The following BBS9 variants were observed in gnomAD, a reference collection of about 807,000 sequenced individuals.
BBS9 encodes the protein Bardet-Biedl syndrome 9.
Under a neutral mutation model 117.7 loss-of-function variants are expected in BBS9, and 89 were observed. That is an observed-to-expected ratio of 0.76 (90% confidence interval 0.64 to 0.90). The LOEUF (loss-of-function observed/expected upper bound fraction) is 0.90, where lower values mean the gene tolerates loss of function less well. Ranked by LOEUF, BBS9 falls within the 40% of genes least tolerant of loss-of-function variation. The pLI, the probability that BBS9 is intolerant of heterozygous loss-of-function variation, is 0.00. For synonymous variants in BBS9, 379 were observed against 370.9 expected, an observed-to-expected ratio of 1.02 and a Z score of -0.25; for missense variants, 982 against 1,042.2, an observed-to-expected ratio of 0.94 and a Z score of 0.80.
intron 4 of BBS9, among the ~76,000 whole-genome samples, chr7:33,158,694 C>T (rs892017383): frequency 6.6e-6 from 1 of 152,114 alleles, no homozygotes; most frequent in Non-Finnish European, 1.5e-5. Flanking sequence ...TCCTAATGTT[C>T]CTGCTTGCAT....
chr7:33,293,621 G>A (rs1184751188), intron 9 of BBS9, among the ~76,000 whole-genome samples: 1 of 152,090 alleles, frequency 6.6e-6, no homozygotes, highest in African/African-American at 2.4e-5. Context: ...ATAAGACCAA[G>A]TGCAGTATGC....
intron 19 of BBS9, among the ~76,000 whole-genome samples, chr7:33,433,420 A>T (rs1834827034): frequency 6.6e-6 from 1 of 152,216 alleles, no homozygotes; most frequent in African/African-American, 2.4e-5. Context: ...TAATTTTCCC[A>T]TACCGTGATC....
intron 9 of BBS9, among the ~76,000 whole-genome samples, chr7:33,290,045 A>G (rs1584123438): frequency 2.2e-5 from 1 of 44,582 alleles, no homozygotes; most frequent in Non-Finnish European, 4.9e-5. Context: ...ACTCTATCTC[A>G]AAAAAAAAAA....
At chr7:33,342,118 CA>C (rs1816696516) in intron 11 of BBS9, among the ~76,000 whole-genome samples, 1 of 151,976 alleles carries the variant, frequency 6.6e-6, no homozygotes, top group South Asian at 2.1e-4. Context: ...TCATGAGTGT[CA>C]AAAGATTAAT....
intron 14 of BBS9, 178 bp downstream of exon 14, chr7:33,351,501 G>T: frequency 4.8e-6 from 3 of 630,942 alleles, no homozygotes; most frequent in Non-Finnish European, 8.7e-6. Context: ...TCGTGATAAG[G>T]CTATTTAGCT....
At chr7:33,133,267 T>C (rs1027401995) in intron 1 of BBS9, among the ~76,000 whole-genome samples, 3 of 152,234 alleles carry the variant, frequency 2.0e-5, no homozygotes, top group Non-Finnish European at 2.9e-5. Flanking sequence ...TCAAATACCA[T>C]ACAATTCACC....
rs537333479 is a variant in BBS9, at chr7:33,579,467, T to A, written c.2522-25398T>A. Among the ~76,000 whole-genome samples, 460 of 152,286 alleles carry A rather than the reference T, an allele frequency of 3.0e-3. 3 individuals are homozygous for A. The highest frequency in any genetic ancestry group is 0.011 in the African/African-American group (443 of 41,550). ...GTTAAAATATGTTTATTACACTCTT[T>A]GGAAGGTTTGGCCCGGCGTGTATCA... is the stretch of plus-strand genomic sequence containing the variant. On this transcript the variant is annotated intron_variant, in intron 21 of 22. Transcript: ENST00000242067.
At chr7:33,153,465 A>G (rs1793656698) in intron 3 of BBS9, among the ~76,000 whole-genome samples, 1 of 152,176 alleles carries the variant, frequency 6.6e-6, no homozygotes, top group South Asian at 2.1e-4. Context: ...AACTTTCTTA[A>G]AATTAAGCTT....
intron 5 of BBS9, among the ~76,000 whole-genome samples, chr7:33,183,353 C>G (rs777378821): frequency 7.2e-5 from 11 of 151,952 alleles, no homozygotes; most frequent in Non-Finnish European, 1.0e-4. Flanking sequence ...AACCCCTTTT[C>G]CAGAAAAACA....
intron 19 of BBS9, among the ~76,000 whole-genome samples, chr7:33,476,074 T>C (rs1841760969): frequency 6.6e-6 from 1 of 152,198 alleles, no homozygotes; most frequent in African/African-American, 2.4e-5. Flanking sequence ...TTTAGAATGT[T>C]TTTCATGCAA....
chr7:33,550,727 A>G (rs1451486326), intron 21 of BBS9, among the ~76,000 whole-genome samples: 1 of 152,170 alleles, frequency 6.6e-6, no homozygotes, highest in African/African-American at 2.4e-5. Flanking sequence ...GTCCTGATTT[A>G]TGTGTCATGT....
chr7:33,301,443 G>T (rs1806418344), intron 9 of BBS9, among the ~76,000 whole-genome samples: 1 of 151,828 alleles, frequency 6.6e-6, no homozygotes, highest in South Asian at 2.1e-4. Context: ...CCCAGCCTCT[G>T]GTAACCATCC....
intron 19 of BBS9, among the ~76,000 whole-genome samples, chr7:33,417,924 C>T (rs1037313205): frequency 1.1e-4 from 17 of 152,142 alleles, no homozygotes; most frequent in African/African-American, 4.1e-4. Flanking sequence ...TTCTTTTTTA[C>T]CAAGGGTTAA....
At chr7:33,137,101 G>C (rs1170831741) in intron 1 of BBS9, among the ~76,000 whole-genome samples, 1 of 152,072 alleles carries the variant, frequency 6.6e-6, no homozygotes, top group Non-Finnish European at 1.5e-5. Context: ...GCTCCTCCTG[G>C]GTGTCCTTCC....
rs567756594 is a variant in BBS9, at chr7:33,562,780, C to T, written c.2521+28604C>T. ...CTCTACTAAAAATACAAAAATTAGC[C>T]GGGCATGGTGGCACGCGCCTGTAGT... On this transcript the variant is annotated intron_variant, in intron 21 of 22. Coordinates refer to ENST00000242067, the MANE Select transcript of BBS9 (RefSeq NM_198428.3). Among the ~76,000 whole-genome samples, 126 of 152,068 alleles carry T rather than the reference C, an allele frequency of 8.3e-4. 1 individual carries two copies. In the Middle Eastern group the frequency reaches 0.01, roughly 12 times the overall value.
At chr7:33,402,212 C>T (rs1322469426) in intron 19 of BBS9, among the ~76,000 whole-genome samples, 2 of 152,122 alleles carry the variant, frequency 1.3e-5, no homozygotes, top group African/African-American at 4.8e-5. Flanking sequence ...ATCCCTGTTG[C>T]CTATTAGATT....
intron 4 of BBS9, among the ~76,000 whole-genome samples, chr7:33,169,407 A>C (rs1796177777): frequency 6.6e-6 from 1 of 151,582 alleles, no homozygotes. Context: ...CAATGGTTGA[A>C]CTAGTTTACA....
chr7:33,145,919 G>C (rs1792270152), intron 1 of BBS9, among the ~76,000 whole-genome samples: 1 of 152,190 alleles, frequency 6.6e-6, no homozygotes, highest in African/African-American at 2.4e-5. Flanking sequence ...ATGTTAAATA[G>C]TGCTGATGGA....
intron 21 of BBS9, among the ~76,000 whole-genome samples, chr7:33,547,417 G>T (rs1164009274): frequency 6.6e-6 from 1 of 152,132 alleles, no homozygotes. Flanking sequence ...TGTATTAAAT[G>T]GAAAACTTTT....
Sources: allele counts gnomAD v4.1 joint callset (sites outside exome capture counted in the v4.1 genomes callset), GRCh38; gene constraint gnomAD v4.1.1; transcripts MANE v1.5; gene names NCBI Gene and HGNC (gene_info 2026-07-23, HGNC 2026-07-21).